MTHFSD: variants seen among roughly 807,000 people sequenced by gnomAD.
MTHFSD encodes methenyltetrahydrofolate synthase domain-containing protein.
In MTHFSD, 37 loss-of-function variants were observed where a neutral mutation model predicts 31.1. The ratio of observed to expected loss-of-function variants is 1.19; its 90% CI spans 0.91 to 1.56. MTHFSD has a LOEUF of 1.56. Ranked by LOEUF, MTHFSD falls within the 40% of genes most tolerant of loss-of-function variation. The probability of loss-of-function intolerance (pLI) is 0.00; values close to 1 mark genes in which losing one functional copy is unlikely to be tolerated. For synonymous variants in MTHFSD, 221 were observed against 206.9 expected (o/e 1.07, Z -0.59); for missense variants, 664 against 510.1 (o/e 1.30, Z -2.91).
At chr16:86,534,057 T>A (rs74476706) in intron 7 of MTHFSD, among the ~76,000 whole-genome samples, 1,840 of 152,322 alleles carry the variant, frequency 0.012, 39 homozygotes, top group African/African-American at 0.042. Context: ...TGGTCTTGAA[T>A]GGCAAACAGA....
intron 7 of MTHFSD, among the ~76,000 whole-genome samples, chr16:86,537,118 T>G (rs1407973181): frequency 6.6e-6 from 1 of 152,230 alleles, no homozygotes; most frequent in Non-Finnish European, 1.5e-5. Context: ...TTGAACAAAT[T>G]TACTATTTTT....
Position 86,541,544 on chromosome 16 carries a change from T to G in MTHFSD, c.681+153A>C. The G allele has an allele frequency of 2.9e-6, 3 of 1,035,700 alleles. No individual in the cohort carries two copies. In the South Asian group the frequency reaches 4.6e-5, roughly 16 times the overall value. The allele number at this position is 1,035,700 out of a possible 1,614,324, so 64.2% of individuals were successfully genotyped here. ...TTCTTAGGCCTGGGCCTGGACATGG[T>G]CATTCAGGAGCCAAATTGCTCAAAA... On this transcript the variant is annotated intron_variant, in intron 7 of 7. Transcript: ENST00000360900.
In MTHFSD at chr16:86,542,045, C is replaced by G; in HGVS notation, c.555+56G>C. The G allele has an allele frequency of 2.0e-6, 3 of 1,526,058 alleles. No homozygotes were observed. Among genetic ancestry groups the G allele is most frequent in the Non-Finnish European group, 2.7e-6 (3 of 1,106,900 alleles). The allele number at this position is 1,526,058 out of a possible 1,614,324, so 94.5% of individuals were successfully genotyped here. A position where few individuals can be genotyped will look rare whatever the true frequency, so the allele number is the denominator to read the frequency against. On this transcript the variant is annotated intron_variant, in intron 6 of 7. Transcript: ENST00000360900. The surrounding 1 kb of genome is among the most constrained non-coding windows in gnomAD (Gnocchi z 4.6). Reference sequence around the variant, plus strand: ...GCAGATGAGTCTCCTTCCCCACCCCCTGCTCCCTCAGAAGAGAATGGCAGT... The same window carrying G: ...GCAGATGAGTCTCCTTCCCCACCCCGTGCTCCCTCAGAAGAGAATGGCAGT...
chr16:86,532,175 C>T lies in MTHFSD; in HGVS notation c.988G>A (p.Gly330Ser), dbSNP rs768292188. Reference protein sequence around the residue: ...SDLKRALRELGSVPLRLTWQG... With the variant: ...SDLKRALRELSSVPLRLTWQG... ...CAGGTGAGCCGCAGGGGCACGGAGC[C>T]GAGTTCCCGCAGGGCTCTCTTCAGG... The change falls in exon 8 of 8, where the codon GGC becomes AGC. Residue 330 changes from glycine to serine, a missense_variant. Physicochemically the swap from Gly to Ser is moderately conservative, Grantham distance 56. Transcript: ENST00000360900. The T allele has an allele frequency of 3.8e-6, 6 of 1,571,000 alleles. No individual in the cohort carries two copies. The Admixed American group carries it at 5.5e-5, about 14-fold the overall frequency.
Position 86,554,632 on chromosome 16 carries a change from AAT to A in MTHFSD, c.123+11_123+12del. Reference sequence around the variant, plus strand: ...TTGTTTTCCTTTTCTGGACTCCAGAAATATGTCAGTACCTTAAAGTTGGGTAT... The same window carrying A: ...TTGTTTTCCTTTTCTGGACTCCAGAAATGTCAGTACCTTAAAGTTGGGTAT... On this transcript the variant is annotated intron_variant, in intron 2 of 7. Transcript: ENST00000360900. 6 of 1,593,830 alleles carry A rather than the reference AAT, an allele frequency of 3.8e-6. No homozygotes were observed. The highest frequency in any genetic ancestry group is 5.1e-6 in the Non-Finnish European group (6 of 1,166,010).
rs9673507 is a variant in MTHFSD at position 86,541,428 on chromosome 16, A to G, written c.681+269T>C. 3,286 of 603,762 alleles carry G rather than the reference A, an allele frequency of 5.4e-3. 80 individuals are homozygous for G. The highest frequency in any genetic ancestry group is 0.054 in the African/African-American group (2,911 of 53,926). 37.4% of individuals were successfully genotyped at this position (603,762 alleles called of 1,614,324 possible). On this transcript the variant is annotated intron_variant, in intron 7 of 7. Coordinates refer to ENST00000360900, the MANE Select transcript of MTHFSD (RefSeq NM_001159377.2). ...GGGCAAGTAAAGCTTCAAGGCATTC[A>G]CCCTCCCAGCCCATGTGGCCATTTC... is the stretch of plus-strand genomic sequence containing the variant.
In MTHFSD at chr16:86,546,581, T is replaced by C; in HGVS notation, c.420A>G (p.Gly140=). 1 of 1,613,952 alleles carries C rather than the reference T, an allele frequency of 6.2e-7. No homozygotes were observed. The highest frequency in any genetic ancestry group is 1.1e-5 in the South Asian group (1 of 91,074). Residue 140 remains glycine, a synonymous_variant, in exon 5 of 8, where the codon GGA becomes GGG. Transcript: ENST00000360900. ...TACCTTTTTCAGAAACGGCGACGGA[T>C]CCCACCACAACTAAATCCACGAGGA... ...SRVLVDLVVV[G]SVAVSEKGWR... is the part of the protein sequence containing the mutation.
rs545583197 is a variant in MTHFSD, at chr16:86,554,303, G to T, written c.123+342C>A. Among the ~76,000 whole-genome samples the T allele has an allele frequency of 3.9e-5, 6 of 152,288 alleles. No individual in the cohort carries two copies. In the East Asian group the frequency reaches 1.2e-3, roughly 29 times the overall value. On this transcript the variant is annotated intron_variant, in intron 2 of 7. Coordinates refer to ENST00000360900, the MANE Select transcript of MTHFSD (RefSeq NM_001159377.2). ...AAACTCTGAACACATCCAAACATCA[G>T]AAGGAACAAACTCCAGACACGCTGC... is the stretch of plus-strand genomic sequence containing the variant.
chr16:86,546,633 C>T lies in MTHFSD; in HGVS notation c.368G>A (p.Ser123Asn). 1.2e-6 allele frequency: 2 copies of T among 1,613,858 alleles called. No homozygotes were observed. The highest frequency in any genetic ancestry group is 1.1e-5 in the South Asian group (1 of 91,086). The change falls in exon 5 of 8, where the codon AGT becomes AAT. Residue 123 changes from serine to asparagine, a missense_variant. By Grantham distance (46) the Ser-to-Asn change is conservative. Transcript: ENST00000360900. ...TCTGGAGTCCAAGCCTATGGGGACA[C>T]TGTAGTTCCTCACACCCTGCACACA... ...CATSQGVRNY[S>N]VPIGLDSRVL...
intron 3 of MTHFSD, 68 bp downstream of exon 3, chr16:86,551,965 C>A: frequency 6.2e-7 from 1 of 1,601,936 alleles, no homozygotes; most frequent in Non-Finnish European, 8.5e-7. Context: ...TGTGCACTGA[C>A]CAGCTACCTG....
intron 4 of MTHFSD, 131 bp downstream of exon 4, chr16:86,548,333 T>G: frequency 3.4e-6 from 3 of 889,266 alleles, no homozygotes; most frequent in Non-Finnish European, 5.4e-6. Flanking sequence ...CTTGAATACT[T>G]TAATATCTCT....
At position 86,552,988 on chromosome 16, in the gene MTHFSD, CT is replaced by C. The variant is rs572158379; in HGVS notation, c.124-843del. Among the ~76,000 whole-genome samples, 30 of 149,632 alleles carry C rather than the reference CT, an allele frequency of 2.0e-4. No individual in the cohort carries two copies. In the South Asian group the frequency reaches 2.1e-3, roughly 11 times the overall value. On this transcript the variant is annotated intron_variant, in intron 2 of 7. Coordinates refer to ENST00000360900, the MANE Select transcript of MTHFSD (RefSeq NM_001159377.2). ...TGCTGCATTGCCTCTTCCGAGTAAC[CT>C]TTTTTTTTTCTGTCAACACTGTTAG...
At chr16:86,550,935 T>C (rs896230353) in intron 3 of MTHFSD, among the ~76,000 whole-genome samples, 1 of 152,214 alleles carries the variant, frequency 6.6e-6, no homozygotes, top group African/African-American at 2.4e-5. Flanking sequence ...GGAGTCTGAC[T>C]TGGCAACTTG....
At chr16:86,548,968 T>A (rs2143800063) in intron 3 of MTHFSD, among the ~76,000 whole-genome samples, 1 of 152,320 alleles carries the variant, frequency 6.6e-6, no homozygotes, top group South Asian at 2.1e-4. Flanking sequence ...GTTACAATAA[T>A]GCTGTCATTA....
At chr16:86,535,478 T>G in intron 7 of MTHFSD, 1 of 985,422 alleles carries the variant, frequency 1.0e-6, no homozygotes, top group South Asian at 4.7e-5. Flanking sequence ...TACTGTTTCC[T>G]GGCTGGCAAT....
chr16:86,543,418 G>C (rs914071046), intron 5 of MTHFSD, among the ~76,000 whole-genome samples: 40 of 152,220 alleles, frequency 2.6e-4, no homozygotes, highest in African/African-American at 9.4e-4. Flanking sequence ...GGTGCACCTA[G>C]ACTATCCCAC....
In MTHFSD at chr16:86,542,446, T is replaced by C; in HGVS notation, c.443-233A>G. 1.8e-6 allele frequency: 1 copy of C among 546,658 alleles called. No homozygotes were observed. Among genetic ancestry groups the C allele is most frequent in the Non-Finnish European group, 3.3e-6 (1 of 306,008 alleles). 33.9% of individuals were successfully genotyped at this position (546,658 alleles called of 1,614,324 possible). A position where few individuals can be genotyped will look rare whatever the true frequency, so the allele number is the denominator to read the frequency against. On this transcript the variant is annotated intron_variant, in intron 5 of 7. Transcript: ENST00000360900. The surrounding 1 kb of genome is among the most constrained non-coding windows in gnomAD (Gnocchi z 4.6). ...CCAATGTCAGGTGGTGAAACTACAATGACGTGAACACTGGACCGTTCAAGC... is the reference window on the plus strand; with the variant it reads ...CCAATGTCAGGTGGTGAAACTACAACGACGTGAACACTGGACCGTTCAAGC...
chr16:86,541,291 T>TTA, intron 7 of MTHFSD: 1 of 773,638 alleles, frequency 1.3e-6, no homozygotes, highest in Non-Finnish European at 1.7e-6. Context: ...AGATCGTCAG[T>TTA]AAAAAAAAAA....
intron 2 of MTHFSD, 144 bp from the exon 3 acceptor site, chr16:86,552,290 G>A (rs376998762): frequency 2.0e-5 from 31 of 1,571,732 alleles, no homozygotes; most frequent in African/African-American, 1.5e-4. Flanking sequence ...CATGAGAAGC[G>A]CCCTGTTTCC....
Sources: allele counts gnomAD v4.1 joint callset (sites outside exome capture counted in the v4.1 genomes callset), GRCh38; gene constraint gnomAD v4.1.1; non-coding constraint Gnocchi (gnomAD v3.1); transcripts MANE v1.5; gene names NCBI Gene and HGNC (gene_info 2026-07-23, HGNC 2026-07-21).